ITGB1BP1: variants seen among roughly 807,000 people sequenced by gnomAD.
ITGB1BP1 encodes integrin beta-1-binding protein 1.
Under a neutral mutation model 28.0 loss-of-function variants are expected in ITGB1BP1, and 20 were observed. The observed-to-expected ratio is 0.71, with a 90% CI of 0.50 to 1.04. The LOEUF is 1.04. Among genes scored for constraint, ITGB1BP1 ranks in the 50% least tolerant of loss-of-function variants. The pLI, the probability that ITGB1BP1 is intolerant of heterozygous loss-of-function variation, is 0.00. For synonymous variants in ITGB1BP1, 103 were observed against 89.5 expected (o/e 1.15, Z -0.85); for missense variants, 228 against 242.5 (o/e 0.94, Z 0.40).
chr2:9,416,583 C>G (rs576742557), intron 2 of ITGB1BP1, among the ~76,000 whole-genome samples: 1 of 152,342 alleles, frequency 6.6e-6, no homozygotes, highest in South Asian at 2.1e-4. Flanking sequence ...GCAGCCCCCA[C>G]AGTCACATCA....
At chr2:9,409,841 CTTTTTT>C (rs1036594187) in intron 4 of ITGB1BP1, among the ~76,000 whole-genome samples, 1 of 123,162 alleles carries the variant, frequency 8.1e-6, no homozygotes, top group Non-Finnish European at 1.7e-5. Flanking sequence ...ACCGTGAGTT[CTTTTTT>C]TTTTTTTTTT....
At chr2:9,416,576 G>A (rs1300645648) in intron 2 of ITGB1BP1, among the ~76,000 whole-genome samples, 1 of 152,154 alleles carries the variant, frequency 6.6e-6, no homozygotes, top group Non-Finnish European at 1.5e-5. Context: ...CAGACTTGCA[G>A]CCCCCACAGT....
At chr2:9,420,356 G>A (rs1171956766) in intron 1 of ITGB1BP1, 2 of 152,228 alleles carry the variant, frequency 1.3e-5, no homozygotes, top group African/African-American at 4.8e-5. Flanking sequence ...GATAGTCAGT[G>A]AGCACCTACC....
rs879120133 is a variant in ITGB1BP1 at position 9,406,582 on chromosome 2, G to C, written c.*252C>G. ...GACACCTAGGCTTCTGTGACACTTAGGTTAAGCTTATTAGAAGTTGAAAAA... is the reference window on the plus strand; with the variant it reads ...GACACCTAGGCTTCTGTGACACTTACGTTAAGCTTATTAGAAGTTGAAAAA... On this transcript the variant is annotated 3_prime_UTR_variant, in exon 7 of 7. Coordinates refer to ENST00000355346, the MANE Select transcript of ITGB1BP1 (RefSeq NM_004763.5). 4.1e-6 allele frequency: 2 copies of C among 485,180 alleles called. No homozygotes were observed. Among genetic ancestry groups the C allele is most frequent in the South Asian group, 4.5e-5 (2 of 44,522 alleles). The allele number at this position is 485,180 out of a possible 1,614,324, so 30.1% of individuals were successfully genotyped here.
In ITGB1BP1 at chr2:9,407,999, T is replaced by C. The variant is rs11681004; in HGVS notation, c.381+114A>G. 0.015 allele frequency: 10,250 copies of C among 667,974 alleles called. 116 individuals are homozygous for C. The highest frequency in any genetic ancestry group is 0.019 in the Non-Finnish European group (7,312 of 379,690). The allele number at this position is 667,974 out of a possible 1,614,324, so 41.4% of individuals were successfully genotyped here. A position where few individuals can be genotyped will look rare whatever the true frequency, so the allele number is the denominator to read the frequency against. On this transcript the variant is annotated intron_variant, in intron 5 of 6. Coordinates refer to ENST00000355346, the MANE Select transcript of ITGB1BP1 (RefSeq NM_004763.5). The stretch of plus-strand genomic sequence containing the variant: ...CGTTTAAGACCAACTGCCAGGAATG[T>C]TTACAAACCAATCACTCTGCAAACA...
chr2:9,417,799 T>TC (rs1218450197), intron 2 of ITGB1BP1, among the ~76,000 whole-genome samples: 2 of 152,074 alleles, frequency 1.3e-5, no homozygotes, highest in East Asian at 3.9e-4. Context: ...TGTAGTTTCT[T>TC]CCCCCCGTGT....
intron 4 of ITGB1BP1, 162 bp from the exon 5 acceptor site, chr2:9,408,367 A>G: frequency 1.7e-6 from 1 of 589,926 alleles, no homozygotes; most frequent in East Asian, 2.9e-5. Context: ...GGCAGAAGAA[A>G]CATTTCCCCC....
rs1234124659 is a variant in ITGB1BP1 at position 9,403,579 on chromosome 2, A to G, written c.*3255T>C. On this transcript the variant is annotated 3_prime_UTR_variant, in exon 7 of 7. Transcript: ENST00000355346. The stretch of plus-strand genomic sequence containing the variant: ...TTCCCAACAGGTGAACTGAAAAGTT[A>G]TTTTAACTATTATACATAATCAAGA... 5.3e-5 allele frequency: 26 copies of G among 487,854 alleles called. No individual in the cohort carries two copies. In the Admixed American group the frequency reaches 5.3e-4, roughly 10 times the overall value. 30.2% of individuals were successfully genotyped at this position (487,854 alleles called of 1,614,324 possible).
chr2:9,407,461 C>G lies in ITGB1BP1; in HGVS notation c.519G>C (p.Gln173His), dbSNP rs771268281. ...AACGAAGTCTCACCAGGCTGTTGCACTGATAAACCCACAGGCTGTATTCCT... is the reference window on the plus strand; with the variant it reads ...AACGAAGTCTCACCAGGCTGTTGCAGTGATAAACCCACAGGCTGTATTCCT... ...SNEEYSLWVY[Q>H]CNSLEQAQAI... The change falls in exon 6 of 7, where the codon CAG becomes CAC. Residue 173 changes from glutamine (Q) to histidine (H), a missense_variant. Coordinates refer to ENST00000355346, the MANE Select transcript of ITGB1BP1 (RefSeq NM_004763.5). 14 of 1,614,200 alleles carry G rather than the reference C, an allele frequency of 8.7e-6. No individual in the cohort carries two copies. The highest frequency in any genetic ancestry group is 1.1e-5 in the Non-Finnish European group (13 of 1,180,038).
chr2:9,407,388 A>C (rs1182134969), intron 6 of ITGB1BP1, 61 bp downstream of exon 6: 1 of 1,573,928 alleles, frequency 6.4e-7, no homozygotes, highest in Non-Finnish European at 8.7e-7. Flanking sequence ...CTTCAAAAAC[A>C]GTAGTCCCTG....
chr2:9,406,618 G>T lies in ITGB1BP1; in HGVS notation c.*216C>A. The T allele has an allele frequency of 1.8e-6, 1 of 558,920 alleles. No homozygotes were observed. Among genetic ancestry groups the T allele is most frequent in the South Asian group, 2.2e-5 (1 of 45,144 alleles). 34.6% of individuals were successfully genotyped at this position (558,920 alleles called of 1,614,324 possible). A position where few individuals can be genotyped will look rare whatever the true frequency, so the allele number is the denominator to read the frequency against. ...TTAGAAGTTGAAAAAGACAAATGAAGTTTTTTAGCCCAGAAAATAGATGAC... is the reference window on the plus strand; with the variant it reads ...TTAGAAGTTGAAAAAGACAAATGAATTTTTTTAGCCCAGAAAATAGATGAC... On this transcript the variant is annotated 3_prime_UTR_variant, in exon 7 of 7. Coordinates refer to ENST00000355346, the MANE Select transcript of ITGB1BP1 (RefSeq NM_004763.5).
Position 9,412,289 on chromosome 2 carries a change from T to C in ITGB1BP1, c.268A>G (p.Asn90Asp). The change falls in exon 4 of 7, where the codon AAT (asparagine) becomes GAT (aspartate). Residue 90 changes from asparagine to aspartate, a missense_variant. Asn to Asp is a conservative substitution (Grantham distance 23). This residue lies in a region of ITGB1BP1 where 192 missense variants were observed against 181.6 expected (regional missense o/e 1.06). Coordinates refer to ENST00000355346, the MANE Select transcript of ITGB1BP1 (RefSeq NM_004763.5). The stretch of plus-strand genomic sequence containing the variant: ...TTTACCTGGGCAACGTCTATATAAT[T>C]TATCAGGTCTAATGGCCCTTCAAGG... Reference protein sequence around the residue: ...KGLEGPLDLINYIDVAQQDGK... With the variant: ...KGLEGPLDLIDYIDVAQQDGK... The C allele has an allele frequency of 6.2e-7, 1 of 1,610,752 alleles. No individual in the cohort carries two copies. Among genetic ancestry groups the C allele is most frequent in the Non-Finnish European group, 8.5e-7 (1 of 1,178,828 alleles).
chr2:9,417,026 C>T (rs1036447073), intron 2 of ITGB1BP1, among the ~76,000 whole-genome samples: 1 of 152,060 alleles, frequency 6.6e-6, no homozygotes, highest in Non-Finnish European at 1.5e-5. Context: ...CGTCCAAGCC[C>T]CCATCATCTC....
intron 1 of ITGB1BP1, chr2:9,423,015 G>A (rs1558443330): frequency 6.1e-6 from 6 of 990,360 alleles, no homozygotes; most frequent in Non-Finnish European, 7.2e-6. Flanking sequence ...TGCGGAGGAT[G>A]TGACAGCGAA....
intron 4 of ITGB1BP1, among the ~76,000 whole-genome samples, chr2:9,408,696 G>A (rs1327125896): frequency 1.3e-5 from 2 of 152,036 alleles, no homozygotes; most frequent in Non-Finnish European, 2.9e-5. Context: ...GGCTGGTCTT[G>A]AACTCTTCTT....
At position 9,415,920 on chromosome 2, in the gene ITGB1BP1, G is replaced by A. The variant is rs1206288427; in HGVS notation, c.73-1664C>T. ...GGCACATGTGGCACATGGGAGGCCC[G>A]GCAGGCACCCGGGATGAAAGGTCTA... On this transcript the variant is annotated intron_variant, in intron 2 of 6. Transcript: ENST00000355346. This position sits in a 1 kb window ranked among gnomAD's most constrained non-coding sequence, Gnocchi z 4.1. Among the ~76,000 whole-genome samples, 3 of 152,180 alleles carry A rather than the reference G, an allele frequency of 2.0e-5. No homozygotes were observed. Among genetic ancestry groups the A allele is most frequent in the Non-Finnish European group, 4.4e-5 (3 of 68,034 alleles).
intron 1 of ITGB1BP1, chr2:9,423,021 G>T: frequency 1.0e-6 from 1 of 990,642 alleles, no homozygotes; most frequent in Non-Finnish European, 1.2e-6. Context: ...GGATGTGACA[G>T]CGAAGGGGAC....
intron 4 of ITGB1BP1, among the ~76,000 whole-genome samples, chr2:9,409,813 A>C (rs1236922948): frequency 6.6e-6 from 1 of 150,832 alleles, no homozygotes; most frequent in African/African-American, 2.4e-5. Context: ...CTGGAAAGTA[A>C]TTATACTTGT....
intron 2 of ITGB1BP1, 30 bp downstream of exon 2, chr2:9,418,596 A>G (rs1454829469): frequency 1.4e-6 from 2 of 1,442,370 alleles, no homozygotes; most frequent in Admixed American, 1.7e-5. Context: ...TCCCTGCTTT[A>G]TGATTCTGTT....
Sources: allele counts gnomAD v4.1 joint callset (sites outside exome capture counted in the v4.1 genomes callset), GRCh38; gene constraint gnomAD v4.1.1; regional missense constraint gnomAD v4.1.1; non-coding constraint Gnocchi (gnomAD v3.1); transcripts MANE v1.5; gene names NCBI Gene and HGNC (gene_info 2026-07-23, HGNC 2026-07-21).